Variants in CATSPERT observed in about 807,000 individuals in gnomAD.
CATSPERT encodes cation channel sperm-associated targeting subunit tau.
chr2:201,494,875 C>T, the CATSPERT span: 2 of 902,900 alleles, frequency 2.2e-6, no homozygotes, highest in South Asian at 5.0e-5. Context: ...GTCTCCTACC[C>T]TCCACAAAGG....
At chr2:201,593,368 C>G in the CATSPERT span, among the ~76,000 whole-genome samples, 1 of 151,650 alleles carries the variant, frequency 6.6e-6, no homozygotes, top group African/African-American at 2.4e-5. Context: ...AATTTCTGTT[C>G]TTTTACATTT....
chr2:201,591,989 A>C, the CATSPERT span, among the ~76,000 whole-genome samples: 15 of 152,120 alleles, frequency 9.9e-5, no homozygotes, highest in East Asian at 2.3e-3. Context: ...CCTTCTCCTG[A>C]CTAATTGCCC....
the CATSPERT span, among the ~76,000 whole-genome samples, chr2:201,561,078 G>T: frequency 6.6e-6 from 1 of 152,176 alleles, no homozygotes; most frequent in African/African-American, 2.4e-5. Context: ...ACCACGCCCG[G>T]CCAGCCTCAT....
chr2:201,506,795 C>A, the CATSPERT span, among the ~76,000 whole-genome samples: 4 of 152,162 alleles, frequency 2.6e-5, no homozygotes, highest in Non-Finnish European at 4.4e-5. Flanking sequence ...TGTCGTGATC[C>A]CCCTGTCCCA....
At chr2:201,511,713 T>C in the CATSPERT span, 1 of 151,948 alleles carries the variant, frequency 6.6e-6, no homozygotes, top group South Asian at 2.1e-4. Flanking sequence ...GAAGGAACTA[T>C]TGAAAGACTG....
the CATSPERT span, among the ~76,000 whole-genome samples, chr2:201,506,053 G>C: frequency 6.6e-6 from 1 of 152,166 alleles, no homozygotes; most frequent in Non-Finnish European, 1.5e-5. Context: ...GGATCACAAG[G>C]TCAGGAGATC....
chr2:201,553,211 TAGA>T, the CATSPERT span: 3 of 152,210 alleles, frequency 2.0e-5, no homozygotes, highest in Admixed American at 6.5e-5. Flanking sequence ...CTTATTCTCC[TAGA>T]AGTTTAACTA....
At chr2:201,594,006 T>A in the CATSPERT span, among the ~76,000 whole-genome samples, 1 of 152,082 alleles carries the variant, frequency 6.6e-6, no homozygotes, top group Non-Finnish European at 1.5e-5. Context: ...TATGTGTGAA[T>A]TTGATCCTGT....
chr2:201,588,595 ACT>A, the CATSPERT span, among the ~76,000 whole-genome samples: 3 of 116,628 alleles, frequency 2.6e-5, no homozygotes, highest in African/African-American at 5.8e-5. Context: ...ATGGTTCCCT[ACT>A]CTTTTTTTTT....
At chr2:201,599,493 AGATT>A in the CATSPERT span, among the ~76,000 whole-genome samples, 1 of 152,162 alleles carries the variant, frequency 6.6e-6, no homozygotes, top group Non-Finnish European at 1.5e-5. Context: ...CATTTTTGTT[AGATT>A]GTTAGTGTTT....
At chr2:201,494,785 C>T in the CATSPERT span, 2 of 1,466,454 alleles carry the variant, frequency 1.4e-6, no homozygotes, top group African/African-American at 2.8e-5. Context: ...AAAGGTAAGA[C>T]ATTTGGTAGC....
the CATSPERT span, chr2:201,536,292 A>G: frequency 1.9e-6 from 3 of 1,604,968 alleles, no homozygotes; most frequent in Admixed American, 3.4e-5. Context: ...TGGTATAGTC[A>G]GGCCTTTCTC....
At chr2:201,542,676 C>A in the CATSPERT span, among the ~76,000 whole-genome samples, 1 of 152,136 alleles carries the variant, frequency 6.6e-6, no homozygotes, top group Admixed American at 6.5e-5. Context: ...AATATGTATT[C>A]AAGTGCTCAG....
At chr2:201,599,063 C>G in the CATSPERT span, among the ~76,000 whole-genome samples, 1 of 152,108 alleles carries the variant, frequency 6.6e-6, no homozygotes, top group Non-Finnish European at 1.5e-5. Context: ...GGCCTAGACT[C>G]TCCCCTCACT....
At chr2:201,500,339 C>T in the CATSPERT span, among the ~76,000 whole-genome samples, 1 of 151,844 alleles carries the variant, frequency 6.6e-6, no homozygotes, top group African/African-American at 2.4e-5. Flanking sequence ...ACGGTGAAAC[C>T]CTGTCTCTAC....
At chr2:201,547,650 A>T in the CATSPERT span, 1 of 1,031,458 alleles carries the variant, frequency 9.7e-7, no homozygotes, top group Non-Finnish European at 1.4e-6. Context: ...AAAGCAAGTG[A>T]TAGAAGAATA....
the CATSPERT span, among the ~76,000 whole-genome samples, chr2:201,508,657 T>C: frequency 1.3e-5 from 2 of 152,222 alleles, no homozygotes; most frequent in African/African-American, 4.8e-5. Flanking sequence ...GGTGGAAGGA[T>C]GGCTTGAGCC....
At chr2:201,555,085 T>C in the CATSPERT span, 7 of 152,212 alleles carry the variant, frequency 4.6e-5, no homozygotes, top group African/African-American at 1.7e-4. Flanking sequence ...GCCATAAAAT[T>C]AGCAGGCTTT....
chr2:201,539,584 G>GT, the CATSPERT span, among the ~76,000 whole-genome samples: 3 of 84,854 alleles, frequency 3.5e-5, no homozygotes, highest in Non-Finnish European at 5.1e-5. Flanking sequence ...TTTGGTTTTG[G>GT]TTTTTTTTGC....
Sources: gnomAD v4.1 joint callset for allele counts (sites outside exome capture counted in the v4.1 genomes callset) on GRCh38, gnomAD v4.1.1 for gene constraint, MANE v1.5 for transcripts, NCBI Gene and HGNC (gene_info 2026-07-23, HGNC 2026-07-21) for gene names.